PIEZO1: variants seen among roughly 807,000 people sequenced by gnomAD.
The protein encoded by PIEZO1 is piezo type mechanosensitive ion channel component 1 (Er blood group), also known as piezo-type mechanosensitive ion channel component 1.
PIEZO1 carries 296 observed loss-of-function variants against 297.2 expected under a neutral mutation model. That is an observed-to-expected ratio of 1.00 (90% CI 0.91 to 1.10). PIEZO1 has a LOEUF of 1.10. Among genes scored for constraint, PIEZO1 ranks in the 50% least tolerant of loss-of-function variants. PIEZO1 has a pLI of 0.00. For missense variants in PIEZO1, 5,018 were observed against 3,455.5 expected, an observed-to-expected ratio of 1.45 and a Z score of -11.34; for synonymous variants, 2,427 against 1,507.5, an observed-to-expected ratio of 1.61 and a Z score of -14.13.
chr16:88,730,318 G>A (rs1187612340), intron 22 of PIEZO1, among the ~76,000 whole-genome samples: 7 of 152,030 alleles, frequency 4.6e-5, no homozygotes, highest in East Asian at 1.9e-4. Context: ...GGGGCCGGGC[G>A]TGGCAGCTCA....
intron 21 of PIEZO1, among the ~76,000 whole-genome samples, 192 bp downstream of exon 21, chr16:88,732,143 G>C (rs1016158647): frequency 6.6e-6 from 1 of 151,930 alleles, no homozygotes; most frequent in African/African-American, 2.4e-5. Context: ...GATCTAACTT[G>C]GCCCCCTGCC....
At chr16:88,742,152 T>C (rs969778516) in intron 3 of PIEZO1, 57 bp from the exon 4 acceptor site, 2 of 1,529,342 alleles carry the variant, frequency 1.3e-6, no homozygotes, top group South Asian at 1.2e-5. Context: ...CACCGTGGCC[T>C]GGTCATCCCT....
chr16:88,738,450 A>C lies in PIEZO1; in HGVS notation c.635-10T>G. 2 of 1,534,534 alleles carry C rather than the reference A, an allele frequency of 1.3e-6. No homozygotes were observed. The highest frequency in any genetic ancestry group is 1.7e-6 in the Non-Finnish European group (2 of 1,145,788). ...GAGGGGTGGGCGATGCCTGCGGGGC[A>C]GGGGCACACAGGGTGGTACCTGGCC... On this transcript the variant is annotated splice_polypyrimidine_tract_variant and intron_variant, in intron 6 of 50. Coordinates refer to ENST00000301015, the MANE Select transcript of PIEZO1 (RefSeq NM_001142864.4).
intron 16 of PIEZO1, 109 bp from the exon 17 acceptor site, chr16:88,734,163 G>A (rs961476596): frequency 1.5e-6 from 2 of 1,358,542 alleles, no homozygotes; most frequent in Non-Finnish European, 2.0e-6. Context: ...GCCAGTTCAG[G>A]TGCACAGCTG....
Position 88,723,123 on chromosome 16 carries a change from T to G in PIEZO1, c.4467A>C (p.Pro1489=), listed in dbSNP as rs1170414499. Residue 1489 remains proline (P), a synonymous_variant, in exon 33 of 51, where the codon CCA becomes CCC. Coordinates refer to ENST00000301015, the MANE Select transcript of PIEZO1 (RefSeq NM_001142864.4). ...TGGGPSQEVE[P]AEGPEEAAAG... is the part of the protein sequence containing the mutation. ...CCGCTGCCTCCTCGGGGCCCTCTGCTGGCTCCACCTCCTGGCTGGGACCAC... is the reference window on the plus strand; with the variant it reads ...CCGCTGCCTCCTCGGGGCCCTCTGCGGGCTCCACCTCCTGGCTGGGACCAC... The G allele has an allele frequency of 1.9e-6, 3 of 1,548,942 alleles. No individual in the cohort carries two copies. The highest frequency in any genetic ancestry group is 8.7e-7 in the Non-Finnish European group (1 of 1,146,802).
rs116587599 is a variant in PIEZO1, at chr16:88,725,160, G to A, written c.4163-80C>T. The A allele has an allele frequency of 1.7e-3, 1,718 of 1,005,108 alleles. 23 individuals carry two copies. The African/African-American group carries it at 0.026, about 15-fold the overall frequency. The allele number at this position is 1,005,108 out of a possible 1,614,324, so 62.3% of individuals were successfully genotyped here. A position where few individuals can be genotyped will look rare whatever the true frequency, so the allele number is the denominator to read the frequency against. Reference sequence around the variant, plus strand: ...GGGCTGTGAGTGCTCCCGTCTTGGAGACAGGATAGGTGGAGACAGACACGG... The same window carrying A: ...GGGCTGTGAGTGCTCCCGTCTTGGAAACAGGATAGGTGGAGACAGACACGG... On this transcript the variant is annotated intron_variant, in intron 29 of 50. Coordinates refer to ENST00000301015, the MANE Select transcript of PIEZO1 (RefSeq NM_001142864.4).
chr16:88,734,063 G>C lies in PIEZO1; in HGVS notation c.2181-9C>G, dbSNP rs1905052263. 6.7e-7 allele frequency: 1 copy of C among 1,498,128 alleles called. No homozygotes were observed. Among genetic ancestry groups the C allele is most frequent in the South Asian group, 1.3e-5 (1 of 78,724 alleles). The allele number at this position is 1,498,128 out of a possible 1,614,324, so 92.8% of individuals were successfully genotyped here. ...CACTCACTGCATCCTGCCTGGGAGA[G>C]GGTCCGAAAATGTCATCTCCCAACT... On this transcript the variant is annotated splice_polypyrimidine_tract_variant and intron_variant, in intron 16 of 50. Transcript: ENST00000301015.
chr16:88,732,416 G>C lies in PIEZO1; in HGVS notation c.2910C>G (p.Gly970=). 6.5e-7 allele frequency: 1 copy of C among 1,549,772 alleles called. No individual in the cohort carries two copies. The highest frequency in any genetic ancestry group is 8.7e-7 in the Non-Finnish European group (1 of 1,146,554). The change falls in exon 21 of 51, where the codon GGC becomes GGG. Residue 970 remains glycine, a synonymous_variant. Coordinates refer to ENST00000301015, the MANE Select transcript of PIEZO1 (RefSeq NM_001142864.4). The part of the protein sequence containing the change: ...PLPAQAVFAS[G]TRQQLDQDLL... ...GATCCTGGTCCAGCTGCTGGCGGGT[G>C]CCGCTGGCAAACACGGCCTGGGCAG...
intron 1 of PIEZO1, among the ~76,000 whole-genome samples, chr16:88,756,882 C>A (rs868772598): frequency 1.7e-4 from 26 of 152,102 alleles, no homozygotes; most frequent in African/African-American, 5.3e-4. Context: ...CGAGACCATC[C>A]TGGCCAACAT....
Position 88,726,569 on chromosome 16 carries a change from G to A in PIEZO1, c.3774C>T (p.Cys1258=). The part of the protein sequence containing the change: ...CWVIQLFSLV[C]TVKGYYDPKE... ...CACGGTCATAGTAGCCCTTGACGGTGCATACAAGGCTGAAGAGCTGGATGA... is the reference window on the plus strand; with the variant it reads ...CACGGTCATAGTAGCCCTTGACGGTACATACAAGGCTGAAGAGCTGGATGA... Residue 1258 remains cysteine (C), a synonymous_variant, in exon 26 of 51, where the codon TGC becomes TGT. Coordinates refer to ENST00000301015, the MANE Select transcript of PIEZO1 (RefSeq NM_001142864.4). 6 of 1,550,078 alleles carry A rather than the reference G, an allele frequency of 3.9e-6. No individual in the cohort carries two copies. The South Asian group carries it at 4.8e-5, about 12-fold the overall frequency.
Position 88,721,837 on chromosome 16 carries a change from A to G in PIEZO1, c.5185T>C (p.Phe1729Leu), listed in dbSNP as rs1001819016. The change falls in exon 37 of 51, where the codon TTC becomes CTC. Residue 1729 changes from phenylalanine to leucine, a missense_variant. Coordinates refer to ENST00000301015, the MANE Select transcript of PIEZO1 (RefSeq NM_001142864.4). The stretch of plus-strand genomic sequence containing the variant: ...GTGAAGACGATGGCCGTCATCCAGA[A>G]GCGCTTGCTGGGCCTCGGGATCGAC... The part of the protein sequence containing the change: ...MLSIPRPSKR[F>L]WMTAIVFTEI... 2 of 1,548,578 alleles carry G rather than the reference A, an allele frequency of 1.3e-6. No individual in the cohort carries two copies. Among genetic ancestry groups the G allele is most frequent in the African/African-American group, 1.4e-5 (1 of 73,034 alleles).
chr16:88,732,229 A>G (rs1043490085), intron 21 of PIEZO1, 106 bp downstream of exon 21: 4 of 988,574 alleles, frequency 4.0e-6, no homozygotes, highest in Admixed American at 2.1e-5. Context: ...TCTGTGGCCC[A>G]GGCAAACCCA....
intron 1 of PIEZO1, among the ~76,000 whole-genome samples, chr16:88,757,269 A>G (rs1303868520): frequency 7.4e-6 from 1 of 134,930 alleles, no homozygotes; most frequent in Non-Finnish European, 1.5e-5. Context: ...GAGAGCTGGC[A>G]GCGCAGCAGC....
At position 88,727,515 on chromosome 16, in the gene PIEZO1, T is replaced by C. The variant is rs1256892375; in HGVS notation, c.3301+42A>G. ...CAGATTTGGGGGCGTGAATGTACTC[T>C]GAGGGTCCTCTGCAGAGGCGGGGGT... is the stretch of plus-strand genomic sequence containing the variant. On this transcript the variant is annotated intron_variant, in intron 23 of 50. Transcript: ENST00000301015. The C allele has an allele frequency of 1.8e-5, 13 of 742,820 alleles. 1 individual carries two copies. The highest frequency in any genetic ancestry group is 2.9e-5 in the Non-Finnish European group (13 of 456,054). The allele number at this position is 742,820 out of a possible 1,614,324, so 46.0% of individuals were successfully genotyped here. A position where few individuals can be genotyped will look rare whatever the true frequency, so the allele number is the denominator to read the frequency against.
Position 88,719,570 on chromosome 16 carries a change from G to A in PIEZO1, c.6471+4C>T. 1.3e-6 allele frequency: 2 copies of A among 1,550,286 alleles called. No homozygotes were observed. The highest frequency in any genetic ancestry group is 4.9e-5 in the East Asian group (2 of 40,932). Reference sequence around the variant, plus strand: ...GTCCCGGCCCCCGCCCTGGGCCCAGGCACCTTCTCTGTCTCTCGGCTGCAT... The same window carrying A: ...GTCCCGGCCCCCGCCCTGGGCCCAGACACCTTCTCTGTCTCTCGGCTGCAT... On this transcript the variant is annotated splice_donor_region_variant and intron_variant, in intron 44 of 50. Transcript: ENST00000301015.
Position 88,784,979 on chromosome 16 carries a change from G to C in PIEZO1, c.-15C>G. The C allele has an allele frequency of 1.5e-6, 2 of 1,327,364 alleles. No homozygotes were observed. The highest frequency in any genetic ancestry group is 3.6e-5 in the South Asian group (2 of 56,086). 82.2% of individuals were successfully genotyped at this position (1,327,364 alleles called of 1,614,324 possible). A position where few individuals can be genotyped will look rare whatever the true frequency, so the allele number is the denominator to read the frequency against. On this transcript the variant is annotated 5_prime_UTR_variant, in exon 1 of 51. Coordinates refer to ENST00000301015, the MANE Select transcript of PIEZO1 (RefSeq NM_001142864.4). ...TGCGGCTCCATGGCTGGAGGGCCCA[G>C]GGCCCGGCCCAGACCGAGCGGACGC...
In PIEZO1 at chr16:88,734,630, C is replaced by G; in HGVS notation, c.1997+20G>C. 2 of 1,549,944 alleles carry G rather than the reference C, an allele frequency of 1.3e-6. No homozygotes were observed. The highest frequency in any genetic ancestry group is 1.7e-6 in the Non-Finnish European group (2 of 1,146,744). On this transcript the variant is annotated intron_variant, in intron 15 of 50. Coordinates refer to ENST00000301015, the MANE Select transcript of PIEZO1 (RefSeq NM_001142864.4). ...ACGGGGTTTCGGCGCCCCTGCCCCA[C>G]CGCCCCAGCCTGGACTCACTGCTCG... is the stretch of plus-strand genomic sequence containing the variant.
At chr16:88,745,388 A>C (rs1432861446) in intron 2 of PIEZO1, 2 of 152,214 alleles carry the variant, frequency 1.3e-5, no homozygotes, top group African/African-American at 4.8e-5. Flanking sequence ...GAGGGAGCCC[A>C]TGGGGAATGG....
At position 88,719,253 on chromosome 16, in the gene PIEZO1, TTCTC is replaced by T. The variant is rs148497807; in HGVS notation, c.6471+317_6471+320del. Reference sequence around the variant, plus strand: ...GTGGGGGAGTGGTCTGACGCACGAATTCTCTCTGAGAAAGGCCATTAAACAAGAA... The same window carrying T: ...GTGGGGGAGTGGTCTGACGCACGAATTCTGAGAAAGGCCATTAAACAAGAA... On this transcript the variant is annotated intron_variant, in intron 44 of 50. Transcript: ENST00000301015. 1.8e-3 allele frequency: 571 copies of T among 319,128 alleles called. 3 individuals are homozygous for T. The highest frequency in any genetic ancestry group is 0.012 in the African/African-American group (547 of 47,192). The allele number at this position is 319,128 out of a possible 1,614,324, so 19.8% of individuals were successfully genotyped here.
Sources: allele counts gnomAD v4.1 joint callset (sites outside exome capture counted in the v4.1 genomes callset), GRCh38; gene constraint gnomAD v4.1.1; transcripts MANE v1.5; gene names NCBI Gene and HGNC (gene_info 2026-07-23, HGNC 2026-07-21).